The following ADCY8 variants were observed in gnomAD, a reference collection of about 807,000 sequenced individuals.
ADCY8 encodes adenylate cyclase type 8.
Under a neutral mutation model 119.7 loss-of-function variants are expected in ADCY8, and 51 were observed. That is an observed-to-expected ratio of 0.43 (90% confidence interval 0.34 to 0.54). ADCY8 has a LOEUF of 0.54. Among genes scored for constraint, ADCY8 ranks in the 20% least tolerant of loss-of-function variants. The pLI is 0.03. For synonymous variants in ADCY8, 665 were observed against 651.0 expected (o/e 1.02, Z -0.33); for missense variants, 1,383 against 1,598.8 (o/e 0.87, Z 2.30).
At chr8:130,992,382 C>CATAT (rs1161136558) in intron 1 of ADCY8, among the ~76,000 whole-genome samples, 851 of 77,264 alleles carry the variant, frequency 0.011, 80 homozygotes, top group African/African-American at 0.014. Context: ...CTGTATCTGG[C>CATAT]ATATATATAT....
chr8:130,880,598 G>T (rs1429955970), intron 8 of ADCY8, among the ~76,000 whole-genome samples: 2 of 152,140 alleles, frequency 1.3e-5, no homozygotes, highest in Non-Finnish European at 2.9e-5. Flanking sequence ...GCTGAAGAAG[G>T]CCTTTGGCAA....
chr8:130,936,956 A>G, intron 5 of ADCY8, 117 bp downstream of exon 5: 1 of 1,295,076 alleles, frequency 7.7e-7, no homozygotes. Flanking sequence ...TTTTTGTGAA[A>G]TAAGTCAAAA....
At position 130,869,504 on chromosome 8, in the gene ADCY8, G is replaced by T. The variant is rs1198871017; in HGVS notation, c.2110-1558C>A. The stretch of plus-strand genomic sequence containing the variant: ...TGGCTTACTGTTTTTTTTTTATTTT[G>T]TTTATTTTTTTTTGTTTTTTTGTTT... On this transcript the variant is annotated intron_variant, in intron 8 of 17. Coordinates refer to ENST00000286355, the MANE Select transcript of ADCY8 (RefSeq NM_001115.3). 4.5e-4 allele frequency among the ~76,000 whole-genome samples: 56 copies of T among 125,166 alleles called. 1 individual carries two copies. Among genetic ancestry groups the T allele is most frequent in the East Asian group, 1.2e-3 (5 of 4,076 alleles). 82.1% of individuals were successfully genotyped at this position (125,166 alleles called of 152,430 possible).
chr8:130,780,985 G>T, intron 17 of ADCY8, 108 bp from the exon 18 acceptor site: 1 of 1,431,640 alleles, frequency 7.0e-7, no homozygotes, highest in South Asian at 1.3e-5. Context: ...CTCTGTGGAT[G>T]AACGGGAGGG....
At chr8:130,832,419 C>A (rs1221048814) in intron 12 of ADCY8, among the ~76,000 whole-genome samples, 2 of 152,128 alleles carry the variant, frequency 1.3e-5, no homozygotes, top group African/African-American at 4.8e-5. Context: ...TAGGAACAAC[C>A]AGCAAAAACT....
At chr8:130,993,146 C>G (rs1822654445) in intron 1 of ADCY8, among the ~76,000 whole-genome samples, 1 of 152,046 alleles carries the variant, frequency 6.6e-6, no homozygotes. Flanking sequence ...CAAAATAAAG[C>G]TGGCTTTGTT....
At chr8:130,957,793 A>G (rs1434562657) in intron 2 of ADCY8, among the ~76,000 whole-genome samples, 5 of 152,256 alleles carry the variant, frequency 3.3e-5, no homozygotes, top group Non-Finnish European at 5.9e-5. Context: ...GCAAGCCCCA[A>G]GTCTTGGCAG....
intron 9 of ADCY8, among the ~76,000 whole-genome samples, chr8:130,859,964 T>C (rs1817873417): frequency 6.6e-6 from 1 of 152,214 alleles, no homozygotes; most frequent in African/African-American, 2.4e-5. Flanking sequence ...GATGTCTTTG[T>C]GTGGCTGATA....
chr8:130,847,089 T>C (rs1817353144), intron 11 of ADCY8, among the ~76,000 whole-genome samples: 1 of 150,070 alleles, frequency 6.7e-6, no homozygotes, highest in South Asian at 2.1e-4. Flanking sequence ...GAGAAATGCA[T>C]AGAGAAGGAA....
At chr8:130,836,646 C>T (rs1816997220) in intron 11 of ADCY8, among the ~76,000 whole-genome samples, 197 bp from the exon 12 acceptor site, 1 of 152,200 alleles carries the variant, frequency 6.6e-6, no homozygotes, top group African/African-American at 2.4e-5. Flanking sequence ...AATGGCATCA[C>T]TATTCATAGC....
At chr8:130,884,802 C>CTA in intron 7 of ADCY8, 41 bp from the exon 8 acceptor site, 1 of 1,575,842 alleles carries the variant, frequency 6.3e-7, no homozygotes, top group East Asian at 2.2e-5. Flanking sequence ...ACCTGCTAGT[C>CTA]CCCTTTAGAT....
chr8:130,893,031 A>T (rs1819242994), intron 7 of ADCY8, among the ~76,000 whole-genome samples: 1 of 152,158 alleles, frequency 6.6e-6, no homozygotes, highest in Admixed American at 6.5e-5. Flanking sequence ...GAAGATTCTC[A>T]TCTCAGTTTG....
At chr8:131,001,228 G>C (rs936846466) in intron 1 of ADCY8, among the ~76,000 whole-genome samples, 1 of 152,108 alleles carries the variant, frequency 6.6e-6, no homozygotes, top group African/African-American at 2.4e-5. Context: ...AGGAGTGAGG[G>C]AGAAAACCTG....
intron 6 of ADCY8, among the ~76,000 whole-genome samples, chr8:130,906,419 T>G (rs1819787925): frequency 6.6e-6 from 1 of 152,224 alleles, no homozygotes; most frequent in Non-Finnish European, 1.5e-5. Context: ...TTTTTATTAT[T>G]CTGCTGTCAG....
At position 130,869,769 on chromosome 8, in the gene ADCY8, G is replaced by A. The variant is rs151280195; in HGVS notation, c.2110-1823C>T. Among the ~76,000 whole-genome samples, 1,411 of 151,756 alleles carry A rather than the reference G, an allele frequency of 9.3e-3. 29 individuals are homozygous for A. The highest frequency in any genetic ancestry group is 0.031 in the African/African-American group (1,276 of 41,320). Reference sequence around the variant, plus strand: ...CCTGACCTGGTGATCCACCTGCCTCGGCCTCCCAAAGGGCTGGGATTACAG... The same window carrying A: ...CCTGACCTGGTGATCCACCTGCCTCAGCCTCCCAAAGGGCTGGGATTACAG... On this transcript the variant is annotated intron_variant, in intron 8 of 17. Coordinates refer to ENST00000286355, the MANE Select transcript of ADCY8 (RefSeq NM_001115.3).
intron 2 of ADCY8, among the ~76,000 whole-genome samples, chr8:130,988,837 A>G (rs1262788837): frequency 6.6e-6 from 1 of 152,216 alleles, no homozygotes; most frequent in East Asian, 1.9e-4. Flanking sequence ...TGGTAAGGCA[A>G]TATTTTTTAG....
intron 6 of ADCY8, among the ~76,000 whole-genome samples, chr8:130,908,666 C>T (rs1819869389): frequency 6.6e-6 from 1 of 152,138 alleles, no homozygotes; most frequent in Non-Finnish European, 1.5e-5. Context: ...ATCTCTCTTC[C>T]TGCAGTGAAG....
intron 1 of ADCY8, among the ~76,000 whole-genome samples, chr8:131,037,470 G>GTTAT (rs1824192817): frequency 6.6e-6 from 1 of 152,194 alleles, no homozygotes; most frequent in South Asian, 2.1e-4. Context: ...CTTAGGATGT[G>GTTAT]TTATTCTAAA....
intron 9 of ADCY8, 149 bp from the exon 10 acceptor site, chr8:130,849,952 A>T: frequency 1.3e-6 from 1 of 790,196 alleles, no homozygotes; most frequent in Admixed American, 2.8e-5. Context: ...AGCAGGAGAG[A>T]TTTTTAAAAA....
Sources: gnomAD v4.1 joint callset for allele counts (sites outside exome capture counted in the v4.1 genomes callset) on GRCh38, gnomAD v4.1.1 for gene constraint, MANE v1.5 for transcripts, NCBI Gene and HGNC (gene_info 2026-07-23, HGNC 2026-07-21) for gene names.